Variants in ERC2 observed in about 807,000 individuals in gnomAD.
ERC2 encodes the protein ERC protein 2.
In ERC2, 42 loss-of-function variants were observed where a neutral mutation model predicts 114.8. That is an observed-to-expected ratio of 0.37 (90% CI 0.29 to 0.47). The LOEUF (loss-of-function observed/expected upper bound fraction) is 0.47, where lower values mean the gene tolerates loss of function less well. Ranked by LOEUF, ERC2 falls within the 20% of genes least tolerant of loss-of-function variation. ERC2 has a pLI of 0.99. For synonymous variants in ERC2, 454 were observed against 425.5 expected, an observed-to-expected ratio of 1.07 and a Z score of -0.82; for missense variants, 939 against 1,150.7, an observed-to-expected ratio of 0.82 and a Z score of 2.66.
rs536512330 is a variant in ERC2 at position 55,624,611 on chromosome 3, C to T, written c.*39+59183G>A. Among the ~76,000 whole-genome samples, 35 of 152,304 alleles carry T rather than the reference C, an allele frequency of 2.3e-4. No individual in the cohort carries two copies. The South Asian group carries it at 7.2e-3, about 32-fold the overall frequency. The stretch of plus-strand genomic sequence containing the variant: ...GGGTCTGGAGTCTGACGGCATGGGT[C>T]TGAGGCTCAGCTCTGCCACTCAGCA... On this transcript the variant is annotated intron_variant, in intron 17 of 17. Coordinates refer to ENST00000288221, the MANE Select transcript of ERC2 (RefSeq NM_015576.3).
intron 12 of ERC2, among the ~76,000 whole-genome samples, chr3:55,984,537 A>T (rs1232336990): frequency 6.6e-6 from 1 of 152,086 alleles, no homozygotes; most frequent in Non-Finnish European, 1.5e-5. Context: ...TGAATCAAAA[A>T]CTTGGAGAAA....
chr3:56,061,553 G>T (rs2076246411), intron 7 of ERC2, among the ~76,000 whole-genome samples: 1 of 151,986 alleles, frequency 6.6e-6, no homozygotes, highest in Admixed American at 6.6e-5. Flanking sequence ...ATTATTCAAA[G>T]AAAAAAATAT....
intron 17 of ERC2, among the ~76,000 whole-genome samples, chr3:55,624,975 A>T (rs1432079016): frequency 6.6e-6 from 1 of 152,094 alleles, no homozygotes; most frequent in Non-Finnish European, 1.5e-5. Flanking sequence ...AGGCTTGTTT[A>T]TTATGTCCCT....
intron 14 of ERC2, among the ~76,000 whole-genome samples, chr3:55,758,084 A>G (rs116008603): frequency 0.012 from 1,852 of 152,290 alleles, 51 homozygotes; most frequent in African/African-American, 0.042. Context: ...CAGCTATCCA[A>G]TATTTCCCAG....
At chr3:56,375,622 C>G (rs572418708) in intron 2 of ERC2, among the ~76,000 whole-genome samples, 2 of 152,080 alleles carry the variant, frequency 1.3e-5, no homozygotes, top group Non-Finnish European at 2.9e-5. Flanking sequence ...GAACATACAA[C>G]GATGAAACAC....
chr3:56,344,146 A>G (rs1192898307), intron 2 of ERC2, among the ~76,000 whole-genome samples: 1 of 152,244 alleles, frequency 6.6e-6, no homozygotes, highest in Non-Finnish European at 1.5e-5. Flanking sequence ...ATAGGATTTC[A>G]TTTGCTCACA....
chr3:56,311,359 G>A (rs1190790008), intron 2 of ERC2, among the ~76,000 whole-genome samples: 1 of 142,926 alleles, frequency 7.0e-6, no homozygotes. Context: ...GAGTGCAGTG[G>A]CGCAATCTCG....
At chr3:56,346,330 A>G (rs896389288) in intron 2 of ERC2, among the ~76,000 whole-genome samples, 2 of 152,212 alleles carry the variant, frequency 1.3e-5, no homozygotes, top group Non-Finnish European at 2.9e-5. Context: ...GATGTTGGCC[A>G]ACTTAATGTG....
intron 17 of ERC2, among the ~76,000 whole-genome samples, chr3:55,569,477 A>G (rs1289164269): frequency 6.6e-6 from 1 of 152,206 alleles, no homozygotes; most frequent in Non-Finnish European, 1.5e-5. Flanking sequence ...AGGGCAAGAT[A>G]AGAGCCAGAC....
At chr3:55,590,103 T>C (rs1384961427) in intron 17 of ERC2, among the ~76,000 whole-genome samples, 1 of 152,020 alleles carries the variant, frequency 6.6e-6, no homozygotes. Context: ...CTCAAAAAAA[T>C]AAACCAAGGA....
At chr3:55,714,665 GTGTATATATATATATATATATATATA>G (rs1418974269) in intron 15 of ERC2, among the ~76,000 whole-genome samples, 36 of 36,684 alleles carry the variant, frequency 9.8e-4, no homozygotes, top group African/African-American at 3.7e-3. Flanking sequence ...GTGTGTGTGT[GTGTATATATATATATATATATATATA>G]TATATATATA....
intron 2 of ERC2, among the ~76,000 whole-genome samples, chr3:56,425,560 C>CTTTTTT (rs67210393): frequency 7.3e-5 from 9 of 123,982 alleles, no homozygotes; most frequent in South Asian, 2.9e-4. Flanking sequence ...GACCCTTTTT[C>CTTTTTT]TTTTTTTTTT....
intron 14 of ERC2, among the ~76,000 whole-genome samples, chr3:55,746,236 A>G (rs993410311): frequency 7.9e-5 from 12 of 151,706 alleles, no homozygotes; most frequent in Admixed American, 3.3e-4. Context: ...GGTTCTGTGG[A>G]GTGGATTTTT....
intron 13 of ERC2, among the ~76,000 whole-genome samples, chr3:55,938,743 C>A (rs976977984): frequency 3.3e-5 from 5 of 152,180 alleles, no homozygotes; most frequent in African/African-American, 1.2e-4. Context: ...GACACAGGGA[C>A]GCTCTGTGCT....
At chr3:56,222,581 T>C (rs2049985108) in intron 3 of ERC2, among the ~76,000 whole-genome samples, 2 of 152,092 alleles carry the variant, frequency 1.3e-5, no homozygotes, top group African/African-American at 4.8e-5. Context: ...GTCTTCCCCC[T>C]TTCTGAACCA....
At chr3:56,371,226 T>C (rs1392431208) in intron 2 of ERC2, among the ~76,000 whole-genome samples, 1 of 152,196 alleles carries the variant, frequency 6.6e-6, no homozygotes, top group Non-Finnish European at 1.5e-5. Flanking sequence ...TCAAAACCTC[T>C]GCAGCAACCA....
intron 7 of ERC2, among the ~76,000 whole-genome samples, chr3:56,075,538 C>T (rs772744860): frequency 2.1e-4 from 32 of 152,178 alleles, no homozygotes; most frequent in Non-Finnish European, 4.1e-4. Context: ...CTGCTGTTTG[C>T]ATCCATCAAG....
intron 7 of ERC2, among the ~76,000 whole-genome samples, chr3:56,070,689 AT>A (rs1484189896): frequency 2.0e-5 from 3 of 152,226 alleles, no homozygotes; most frequent in African/African-American, 7.2e-5. Context: ...TAGAACATTT[AT>A]AATATAGAAG....
At chr3:55,663,904 C>G (rs539424663) in intron 17 of ERC2, among the ~76,000 whole-genome samples, 1 of 152,204 alleles carries the variant, frequency 6.6e-6, no homozygotes, top group Non-Finnish European at 1.5e-5. Context: ...TGGTTTGTCT[C>G]TGCCTATAGC....
Sources: gnomAD v4.1 joint callset for allele counts (sites outside exome capture counted in the v4.1 genomes callset) on GRCh38, gnomAD v4.1.1 for gene constraint, MANE v1.5 for transcripts, NCBI Gene and HGNC (gene_info 2026-07-23, HGNC 2026-07-21) for gene names.